The following LAMA3 variants were observed in gnomAD, a reference collection of about 807,000 sequenced individuals.
LAMA3 encodes laminin subunit alpha-3.
LAMA3 carries 281 observed loss-of-function variants against 402.0 expected under a neutral mutation model. The ratio of observed to expected loss-of-function variants is 0.70; its 90% CI spans 0.63 to 0.77. The LOEUF is 0.77. LAMA3 is among the 30% of genes least tolerant of loss of function. The pLI is 0.00. For missense variants in LAMA3, 3,840 were observed against 4,215.5 expected, an observed-to-expected ratio of 0.91 and a Z score of 2.47; for synonymous variants, 1,431 against 1,558.4, an observed-to-expected ratio of 0.92 and a Z score of 1.93.
intron 9 of LAMA3, among the ~76,000 whole-genome samples, chr18:23,774,475 C>G (rs2062270689): frequency 6.6e-6 from 1 of 152,178 alleles, no homozygotes; most frequent in Non-Finnish European, 1.5e-5. Flanking sequence ...GGCTAGGTGA[C>G]AAAACCGCTA....
intron 11 of LAMA3, among the ~76,000 whole-genome samples, chr18:23,781,700 C>T (rs1236959914): frequency 1.3e-5 from 2 of 152,142 alleles, no homozygotes; most frequent in Non-Finnish European, 2.9e-5. Flanking sequence ...CCAATCCAGT[C>T]GACTCCCAGT....
At chr18:23,835,517 A>G (rs189569759) in intron 24 of LAMA3, among the ~76,000 whole-genome samples, 14 of 152,336 alleles carry the variant, frequency 9.2e-5, no homozygotes, top group Admixed American at 7.2e-4. Flanking sequence ...GGCTCTGAAC[A>G]TGACAACACC....
chr18:23,784,065 A>C lies in LAMA3; in HGVS notation c.1511A>C (p.Asp504Ala). The change falls in exon 12 of 75, where the codon GAT becomes GCT. Residue 504 changes from aspartate to alanine, a missense_variant. Asp to Ala is a moderately radical substitution (Grantham distance 126). Coordinates refer to ENST00000313654, the MANE Select transcript of LAMA3 (RefSeq NM_198129.4). ...NLEGVLPEIC[D>A]AHGRCLCRPG... ...GAAGGTGTTCTCCCTGAAATATGTG[A>C]TGCCCACGGACGGTGCCTGTGCCGC... 6.2e-7 allele frequency: 1 copy of C among 1,614,084 alleles called. No individual in the cohort carries two copies. Among genetic ancestry groups the C allele is most frequent in the Non-Finnish European group, 8.5e-7 (1 of 1,180,006 alleles).
intron 55 of LAMA3, among the ~76,000 whole-genome samples, chr18:23,911,053 A>G (rs1057111922): frequency 4.4e-5 from 6 of 137,166 alleles, no homozygotes; most frequent in African/African-American, 1.8e-4. Context: ...ATACAGGCAT[A>G]TTCTTCTCCC....
intron 32 of LAMA3, among the ~76,000 whole-genome samples, chr18:23,849,340 G>A (rs1443620801): frequency 6.6e-6 from 1 of 152,212 alleles, no homozygotes; most frequent in African/African-American, 2.4e-5. Context: ...AAAACCACAG[G>A]TGTGAGTCCT....
At chr18:23,857,715 G>A in intron 32 of LAMA3, 129 bp from the exon 33 acceptor site, 1 of 1,149,674 alleles carries the variant, frequency 8.7e-7, no homozygotes, top group Non-Finnish European at 1.3e-6. Flanking sequence ...ATTCTGCCTT[G>A]GACTATAAGC....
chr18:23,706,626 G>T (rs141737177), intron 1 of LAMA3, among the ~76,000 whole-genome samples: 1 of 152,218 alleles, frequency 6.6e-6, no homozygotes, highest in South Asian at 2.1e-4. Flanking sequence ...ACTTTTGCCC[G>T]TTTTCCCATT....
At chr18:23,775,732 A>G in intron 9 of LAMA3, 60 bp from the exon 10 acceptor site, 2 of 1,599,114 alleles carry the variant, frequency 1.3e-6, no homozygotes, top group Admixed American at 1.7e-5. Context: ...GTGTTGGAAC[A>G]TATTTGCTTT....
rs767931041 is a variant in LAMA3, at chr18:23,858,006, A to G, written c.4281+18A>G. The G allele has an allele frequency of 1.2e-6, 2 of 1,614,168 alleles. No individual in the cohort carries two copies. The highest frequency in any genetic ancestry group is 2.2e-5 in the South Asian group (2 of 91,080). ...TCTGCAAGGTAAGAGAGATCGTGCA[A>G]TGCCAGACAACAGCTGCCGGTCAGC... On this transcript the variant is annotated intron_variant, in intron 33 of 74. Transcript: ENST00000313654.
chr18:23,761,236 T>C (rs1307475369), intron 7 of LAMA3, among the ~76,000 whole-genome samples: 1 of 152,196 alleles, frequency 6.6e-6, no homozygotes, highest in African/African-American at 2.4e-5. Context: ...GAGTACCCAC[T>C]GTGTGCTGAG....
chr18:23,733,727 G>A (rs751785536), intron 2 of LAMA3, among the ~76,000 whole-genome samples: 40 of 152,162 alleles, frequency 2.6e-4, no homozygotes, highest in Non-Finnish European at 4.4e-4. Context: ...CTGAGATTGA[G>A]GGGTTTTGGA....
At chr18:23,885,175 T>C (rs899768280) in intron 41 of LAMA3, among the ~76,000 whole-genome samples, 1 of 140,620 alleles carries the variant, frequency 7.1e-6, no homozygotes, top group Non-Finnish European at 1.5e-5. Context: ...TCCTCCACAA[T>C]GATCTCTGCA....
chr18:23,913,063 A>G (rs1256178003), intron 56 of LAMA3, among the ~76,000 whole-genome samples, 182 bp downstream of exon 56: 1 of 152,156 alleles, frequency 6.6e-6, no homozygotes, highest in Non-Finnish European at 1.5e-5. Flanking sequence ...AGTGCCCTCG[A>G]GGGGCCTCCC....
At chr18:23,815,343 A>C in intron 16 of LAMA3, 103 bp downstream of exon 16, 1 of 1,351,846 alleles carries the variant, frequency 7.4e-7, no homozygotes, top group East Asian at 2.3e-5. Flanking sequence ...TCTACAGTGC[A>C]TGGTAATCCT....
rs527675275 is a variant in LAMA3, at chr18:23,856,653, G to A, written c.4137-1191G>A. ...AAAGGACCTGCAGATGGTTGAGGGTGGATGACTCAGAGTGACCCTCCCACC... is the reference window on the plus strand; with the variant it reads ...AAAGGACCTGCAGATGGTTGAGGGTAGATGACTCAGAGTGACCCTCCCACC... On this transcript the variant is annotated intron_variant, in intron 32 of 74. Coordinates refer to ENST00000313654, the MANE Select transcript of LAMA3 (RefSeq NM_198129.4). 9.9e-5 allele frequency among the ~76,000 whole-genome samples: 15 copies of A among 152,218 alleles called. No individual in the cohort carries two copies. The South Asian group carries it at 3.1e-3, about 32-fold the overall frequency.
chr18:23,802,458 TA>T (rs1408860910), intron 12 of LAMA3, among the ~76,000 whole-genome samples: 4 of 152,256 alleles, frequency 2.6e-5, no homozygotes, highest in African/African-American at 9.6e-5. Flanking sequence ...ATGGTAATAC[TA>T]AGAGACACCT....
intron 32 of LAMA3, among the ~76,000 whole-genome samples, chr18:23,848,310 C>A (rs1168602833): frequency 2.0e-5 from 3 of 150,376 alleles, no homozygotes; most frequent in Admixed American, 2.0e-4. Context: ...CAGGTGGAGA[C>A]CTCGGCTCAT....
rs184618733 is a variant in LAMA3, at chr18:23,898,323, C to T, written c.5614-415C>T. The stretch of plus-strand genomic sequence containing the variant: ...CTGAGTTCCCTGTGGTTCTGTTGGA[C>T]GAGATTCTTTGAATAGATTCTTAAT... On this transcript the variant is annotated intron_variant, in intron 44 of 74. Coordinates refer to ENST00000313654, the MANE Select transcript of LAMA3 (RefSeq NM_198129.4). The T allele has an allele frequency of 1.6e-4, 30 of 184,940 alleles. No individual in the cohort carries two copies. In the East Asian group the frequency reaches 1.9e-3, roughly 12 times the overall value. 11.5% of individuals were successfully genotyped at this position (184,940 alleles called of 1,614,324 possible). A position where few individuals can be genotyped will look rare whatever the true frequency, so the allele number is the denominator to read the frequency against.
At chr18:23,885,079 TAC>T (rs2065027145) in intron 41 of LAMA3, among the ~76,000 whole-genome samples, 1 of 151,994 alleles carries the variant, frequency 6.6e-6, no homozygotes, top group Admixed American at 6.5e-5. Flanking sequence ...GCACAACGCA[TAC>T]ACTCACCCAC....
Sources: gnomAD v4.1 joint callset for allele counts (sites outside exome capture counted in the v4.1 genomes callset) on GRCh38, gnomAD v4.1.1 for gene constraint, MANE v1.5 for transcripts, NCBI Gene and HGNC (gene_info 2026-07-23, HGNC 2026-07-21) for gene names.